NKIRAS1: variants seen among roughly 807,000 people sequenced by gnomAD.
The protein encoded by NKIRAS1 is NF-kappa-B inhibitor-interacting Ras-like protein 1.
In NKIRAS1, 16 loss-of-function variants were observed where a neutral mutation model predicts 19.8. That is an observed-to-expected ratio of 0.81 (90% CI 0.55 to 1.23). NKIRAS1 has a LOEUF of 1.23. Among genes scored for constraint, NKIRAS1 ranks in the 50% most tolerant of loss-of-function variants. The probability of loss-of-function intolerance (pLI) is 0.00; values close to 1 mark genes in which losing one functional copy is unlikely to be tolerated. For synonymous variants in NKIRAS1, 88 were observed against 79.0 expected (o/e 1.11, Z -0.61); for missense variants, 184 against 220.0 (o/e 0.84, Z 1.04).
At chr3:23,898,719 C>CA (rs1559502055) in intron 4 of NKIRAS1, among the ~76,000 whole-genome samples, 2 of 152,154 alleles carry the variant, frequency 1.3e-5, no homozygotes, top group African/African-American at 4.8e-5. Context: ...GCTGGGATTA[C>CA]AGGTGTGAAT....
intron 1 of NKIRAS1, among the ~76,000 whole-genome samples, chr3:23,931,631 G>T (rs553998559): frequency 2.0e-5 from 3 of 151,942 alleles, no homozygotes; most frequent in Non-Finnish European, 4.4e-5. Flanking sequence ...TAAGTTTAAT[G>T]CATTCATTTT....
At chr3:23,900,697 C>A in intron 4 of NKIRAS1, 111 bp downstream of exon 4, 26 of 674,374 alleles carry the variant, frequency 3.9e-5, no homozygotes, top group Non-Finnish European at 5.5e-5. Context: ...AAAGGTTTTA[C>A]AGATACTAAG....
At chr3:23,945,458 A>T (rs1412097923) in intron 1 of NKIRAS1, 2 of 447,704 alleles carry the variant, frequency 4.5e-6, no homozygotes, top group Non-Finnish European at 6.1e-6. Flanking sequence ...CGCTCTGCCC[A>T]TGAGGGGGCC....
chr3:23,912,425 C>A (rs1429463824), intron 1 of NKIRAS1, among the ~76,000 whole-genome samples: 3 of 152,090 alleles, frequency 2.0e-5, no homozygotes, highest in Non-Finnish European at 4.4e-5. Flanking sequence ...ATGCAGCCAA[C>A]AGACACATGA....
In NKIRAS1 at chr3:23,927,575, T is replaced by A. The variant is rs1182844455; in HGVS notation, c.-139-16125A>T. On this transcript the variant is annotated intron_variant, in intron 1 of 4. Coordinates refer to the NKIRAS1 transcript ENST00000421515. This position sits in a 1 kb window ranked among gnomAD's most constrained non-coding sequence, Gnocchi z 4.0. ...GGCATGCTGTGAACATCTGAACTCA[T>A]TTATTGGCAATTCTCATTGTCATTT... Among the ~76,000 whole-genome samples, 1 of 152,204 alleles carries A rather than the reference T, an allele frequency of 6.6e-6. No individual in the cohort carries two copies. The highest frequency in any genetic ancestry group is 2.4e-5 in the African/African-American group (1 of 41,454).
chr3:23,895,697 G>A (rs1185306992), intron 4 of NKIRAS1, among the ~76,000 whole-genome samples: 2 of 152,002 alleles, frequency 1.3e-5, no homozygotes, highest in South Asian at 2.1e-4. Flanking sequence ...GATGTTCTCC[G>A]GCAAATGTAT....
chr3:23,900,759 T>G, intron 4 of NKIRAS1, 49 bp downstream of exon 4: 2 of 1,475,152 alleles, frequency 1.4e-6, no homozygotes, highest in Middle Eastern at 3.5e-4. Context: ...GTGCTATAAT[T>G]TAAATGGTAT....
At chr3:23,901,900 C>G (rs773520764) in intron 3 of NKIRAS1, among the ~76,000 whole-genome samples, 1 of 152,124 alleles carries the variant, frequency 6.6e-6, no homozygotes, top group Admixed American at 6.5e-5. Flanking sequence ...TGGCCAAACC[C>G]CATCTCAACT....
upstream of NKIRAS1, chr3:23,918,675 C>G (rs923192776): frequency 6.5e-6 from 9 of 1,377,870 alleles, no homozygotes; most frequent in African/African-American, 2.9e-5. Context: ...TGAGCTGTCT[C>G]GTATATAAAA....
chr3:23,918,825 A>C, upstream of NKIRAS1: 2 of 545,958 alleles, frequency 3.7e-6, no homozygotes, highest in Non-Finnish European at 6.4e-6. Flanking sequence ...AAGAGACCAA[A>C]TGTGGCCTGC....
intron 1 of NKIRAS1, among the ~76,000 whole-genome samples, chr3:23,941,972 CTTATTTATTTAT>C (rs879675515): frequency 1.2e-4 from 12 of 100,768 alleles, no homozygotes; most frequent in African/African-American, 3.6e-4. Flanking sequence ...TATTTATTTA[CTTATTTATTTAT>C]TTATTTATTT....
At chr3:23,944,252 A>C (rs570817140) in intron 1 of NKIRAS1, among the ~76,000 whole-genome samples, 6 of 152,276 alleles carry the variant, frequency 3.9e-5, no homozygotes, top group African/African-American at 1.4e-4. Context: ...TGGTGAAGAA[A>C]CCTGGGGGGT....
At position 23,910,810 on chromosome 3, in the gene NKIRAS1, C is replaced by T; in HGVS notation, c.94+1G>A. ...GACAAACTAGAGAAAAACAATCTTA[C>T]CAATAGTATGATTTCCATAAAGGAG... On this transcript the variant is annotated splice_donor_variant, in intron 3 of 4. Coordinates refer to ENST00000425478, the MANE Select transcript of NKIRAS1 (RefSeq NM_020345.4). LOFTEE classifies it high-confidence loss of function. 6.2e-7 allele frequency: 1 copy of T among 1,608,056 alleles called. No individual in the cohort carries two copies. Among genetic ancestry groups the T allele is most frequent in the South Asian group, 1.1e-5 (1 of 90,930 alleles).
chr3:23,934,024 C>T (rs973874110), intron 1 of NKIRAS1, among the ~76,000 whole-genome samples: 7 of 152,226 alleles, frequency 4.6e-5, no homozygotes, highest in African/African-American at 1.7e-4. Flanking sequence ...GGGCCCACCT[C>T]TTAATACTAT....
At chr3:23,945,165 G>A (rs115855981) in intron 1 of NKIRAS1, 1 of 131,046 alleles carries the variant, frequency 7.6e-6, no homozygotes, top group Non-Finnish European at 1.6e-5. Context: ...GGTAGCCGGG[G>A]AGCCGGGAAG....
chr3:23,916,034 C>T (rs1003898667), intron 1 of NKIRAS1: 9 of 152,198 alleles, frequency 5.9e-5, no homozygotes, highest in African/African-American at 2.2e-4. Context: ...ATGCCTGGCA[C>T]ATATTAGACA....
chr3:23,911,832 G>A (rs1042810991), intron 1 of NKIRAS1, among the ~76,000 whole-genome samples: 7 of 146,680 alleles, frequency 4.8e-5, no homozygotes, highest in Admixed American at 1.4e-4. Context: ...ATGAGATTTC[G>A]GTTCACTGCA....
At chr3:23,901,448 T>A (rs1216617382) in intron 3 of NKIRAS1, among the ~76,000 whole-genome samples, 1 of 152,160 alleles carries the variant, frequency 6.6e-6, no homozygotes, top group Non-Finnish European at 1.5e-5. Context: ...GCCTCTAAAG[T>A]GCTGGGATTA....
intron 3 of NKIRAS1, among the ~76,000 whole-genome samples, chr3:23,902,163 T>C (rs775281261): frequency 4.6e-5 from 7 of 152,122 alleles, no homozygotes; most frequent in Non-Finnish European, 8.8e-5. Flanking sequence ...CCCCCCCCAA[T>C]CATACTATGT....
Sources: allele counts gnomAD v4.1 joint callset (sites outside exome capture counted in the v4.1 genomes callset), GRCh38; gene constraint gnomAD v4.1.1; non-coding constraint Gnocchi (gnomAD v3.1); transcripts MANE v1.5; gene names NCBI Gene and HGNC (gene_info 2026-07-23, HGNC 2026-07-21).